The following NKD1 variants were observed in gnomAD, a reference collection of about 807,000 sequenced individuals.
NKD1 encodes the protein NKD inhibitor of Wnt signaling pathway 1.
In NKD1, 21 loss-of-function variants were observed where a neutral mutation model predicts 56.0. The observed-to-expected ratio is 0.38, with a 90% CI of 0.27 to 0.54. The LOEUF (loss-of-function observed/expected upper bound fraction) is 0.54. Ranked by LOEUF, NKD1 falls within the 20% of genes least tolerant of loss-of-function variation. NKD1 has a pLI of 0.82. For missense variants in NKD1, 578 were observed against 642.7 expected (o/e 0.90, Z 1.09); for synonymous variants, 263 against 265.7 (o/e 0.99, Z 0.10).
intron 3 of NKD1, among the ~76,000 whole-genome samples, chr16:50,573,494 G>A (rs1960929432): frequency 6.6e-6 from 1 of 152,248 alleles, no homozygotes; most frequent in Non-Finnish European, 1.5e-5. Flanking sequence ...GAGCCAGCAA[G>A]TGCTTTCTGG....
intron 4 of NKD1, among the ~76,000 whole-genome samples, chr16:50,618,930 G>A (rs1962025547): frequency 6.6e-6 from 1 of 152,200 alleles, no homozygotes. Context: ...GAGGTCCTGA[G>A]GGAAGACAGG....
In NKD1 at chr16:50,601,892, G is replaced by A. The variant is rs558060982; in HGVS notation, c.193-6402G>A. On this transcript the variant is annotated intron_variant, in intron 3 of 9. Coordinates refer to ENST00000268459, the MANE Select transcript of NKD1 (RefSeq NM_033119.5). Reference sequence around the variant, plus strand: ...TCTGATGACCCAGGCAAGGAGGGGCGGGTCTGTTTTCCTCTCCTGGGGAGG... The same window carrying A: ...TCTGATGACCCAGGCAAGGAGGGGCAGGTCTGTTTTCCTCTCCTGGGGAGG... 7.2e-5 allele frequency among the ~76,000 whole-genome samples: 11 copies of A among 152,306 alleles called. No individual in the cohort carries two copies. The East Asian group carries it at 1.9e-3, about 27-fold the overall frequency.
At chr16:50,556,016 T>G (rs1596702765) in intron 3 of NKD1, 1 of 141,728 alleles carries the variant, frequency 7.1e-6, no homozygotes, top group East Asian at 2.5e-4. Flanking sequence ...ATATCTGCCA[T>G]TCCATCGGAG....
At chr16:50,628,115 C>T (rs529163302) in intron 6 of NKD1, among the ~76,000 whole-genome samples, 21 of 152,178 alleles carry the variant, frequency 1.4e-4, no homozygotes, top group African/African-American at 4.8e-4. Flanking sequence ...AAACTTATGG[C>T]CCCCACAATT....
intron 3 of NKD1, among the ~76,000 whole-genome samples, chr16:50,584,230 A>G (rs928640315): frequency 6.6e-6 from 1 of 152,204 alleles, no homozygotes; most frequent in Non-Finnish European, 1.5e-5. Flanking sequence ...CCAGCAGGCC[A>G]GGCGTTTCTT....
At chr16:50,584,000 G>T (rs563937564) in intron 3 of NKD1, among the ~76,000 whole-genome samples, 107 of 152,368 alleles carry the variant, frequency 7.0e-4, no homozygotes, top group African/African-American at 2.5e-3. Context: ...AGAACAGGCA[G>T]TGCAGTTGGC....
chr16:50,645,006 A>C lies in NKD1; in HGVS notation c.*11225A>C, dbSNP rs1962649674. 1 of 152,196 alleles carries C rather than the reference A, an allele frequency of 6.6e-6. No individual in the cohort carries two copies. Among genetic ancestry groups the C allele is most frequent in the Admixed American group, 6.5e-5 (1 of 15,288 alleles). The allele number at this position is 152,196 out of a possible 1,614,324, so 9.4% of individuals were successfully genotyped here. On this transcript the variant is annotated 3_prime_UTR_variant, in exon 10 of 10. Transcript: ENST00000268459. ...TTCTGGGCAAGACGTGGGCAGAGCA[A>C]AGAGAGACCCACACTTGGCACTTCC...
chr16:50,584,766 C>T (rs1426181907), intron 3 of NKD1, among the ~76,000 whole-genome samples: 2 of 152,208 alleles, frequency 1.3e-5, no homozygotes, highest in Non-Finnish European at 2.9e-5. Context: ...TTTCCCTTGA[C>T]CTCCATGGAT....
At chr16:50,552,441 G>A (rs1960410134) in intron 3 of NKD1, 2 of 152,288 alleles carry the variant, frequency 1.3e-5, no homozygotes, top group East Asian at 1.9e-4. Flanking sequence ...GGCAGAAGCA[G>A]GAGTGGCCCC....
In NKD1 at chr16:50,598,408, A is replaced by C. The variant is rs902322851; in HGVS notation, c.193-9886A>C. 6.6e-6 allele frequency among the ~76,000 whole-genome samples: 1 copy of C among 152,212 alleles called. No homozygotes were observed. Among genetic ancestry groups the C allele is most frequent in the African/African-American group, 2.4e-5 (1 of 41,468 alleles). ...AAGCCCTTCATTCCTGAGGCTGAGC[A>C]AGAAATTCCAGGCTTCTTGGGTCCC... On this transcript the variant is annotated intron_variant, in intron 3 of 9. Transcript: ENST00000268459. This position sits in a 1 kb window ranked among gnomAD's most constrained non-coding sequence, Gnocchi z 4.2.
chr16:50,569,380 C>G (rs1185598906), intron 3 of NKD1, among the ~76,000 whole-genome samples: 1 of 152,172 alleles, frequency 6.6e-6, no homozygotes, highest in Admixed American at 6.5e-5. Flanking sequence ...TACACCCCTG[C>G]TTTATCCTTG....
intron 3 of NKD1, among the ~76,000 whole-genome samples, chr16:50,592,530 C>G (rs1961390204): frequency 1.3e-5 from 2 of 152,196 alleles, no homozygotes; most frequent in Admixed American, 1.3e-4. Context: ...CATGCCAGCT[C>G]TGTAAGGGCC....
chr16:50,578,552 A>C (rs1346457664), intron 3 of NKD1, among the ~76,000 whole-genome samples: 1 of 152,050 alleles, frequency 6.6e-6, no homozygotes, highest in Admixed American at 6.5e-5. Context: ...TACTGTGCGG[A>C]GTGATGTTCC....
chr16:50,619,159 A>G (rs1324813759), intron 4 of NKD1, among the ~76,000 whole-genome samples: 2 of 152,162 alleles, frequency 1.3e-5, no homozygotes, highest in East Asian at 3.8e-4. Context: ...GCAGCTTTGA[A>G]GATGGAGCTG....
At chr16:50,566,099 G>A (rs777594647) in intron 3 of NKD1, 14 of 952,582 alleles carry the variant, frequency 1.5e-5, no homozygotes, top group African/African-American at 1.8e-5. Context: ...CTACAAAATC[G>A]AGGAGGAAAG....
chr16:50,571,598 G>T lies in NKD1; in HGVS notation c.192+22043G>T, dbSNP rs531006293. On this transcript the variant is annotated intron_variant, in intron 3 of 9. Transcript: ENST00000268459. ...GTTGCTCAGAGAGGCATCCTGGGGGGTCATTCCTAACTCCTCCCCTTCCTT... is the reference window on the plus strand; with the variant it reads ...GTTGCTCAGAGAGGCATCCTGGGGGTTCATTCCTAACTCCTCCCCTTCCTT... The T allele has an allele frequency of 1.8e-5, 16 of 897,226 alleles. No homozygotes were observed. In the East Asian group the frequency reaches 1.1e-3, roughly 60 times the overall value. 55.6% of individuals were successfully genotyped at this position (897,226 alleles called of 1,614,324 possible). A position where few individuals can be genotyped will look rare whatever the true frequency, so the allele number is the denominator to read the frequency against.
At chr16:50,549,380 C>T (rs1179701729) in intron 2 of NKD1, 42 bp from the exon 3 acceptor site, 2 of 1,597,158 alleles carry the variant, frequency 1.3e-6, no homozygotes, top group Non-Finnish European at 1.7e-6. Context: ...ACTTTTGGCA[C>T]CTGGAGCCAG....
In NKD1 at chr16:50,562,595, C is replaced by T. The variant is rs137913018; in HGVS notation, c.192+13040C>T. 7.2e-5 allele frequency among the ~76,000 whole-genome samples: 11 copies of T among 152,254 alleles called. No individual in the cohort carries two copies. In the East Asian group the frequency reaches 1.2e-3, roughly 16 times the overall value. ...GGTGTGGAGTTGGGGAGACTCGATG[C>T]GGCCGAGGACCACCTACATCTGAAT... On this transcript the variant is annotated intron_variant, in intron 3 of 9. Coordinates refer to ENST00000268459, the MANE Select transcript of NKD1 (RefSeq NM_033119.5).
intron 4 of NKD1, among the ~76,000 whole-genome samples, chr16:50,610,332 C>T (rs1282381226): frequency 1.3e-5 from 2 of 152,210 alleles, no homozygotes; most frequent in African/African-American, 2.4e-5. Context: ...TGGACCTGTC[C>T]GTGTGGCCCT....
Sources: gnomAD v4.1 joint callset for allele counts (sites outside exome capture counted in the v4.1 genomes callset) on GRCh38, gnomAD v4.1.1 for gene constraint, Gnocchi (gnomAD v3.1) non-coding constraint, MANE v1.5 for transcripts, NCBI Gene and HGNC (gene_info 2026-07-23, HGNC 2026-07-21) for gene names.